Variants in PTPRQ observed in about 807,000 individuals in gnomAD.
The protein encoded by PTPRQ is phosphatidylinositol phosphatase PTPRQ.
A neutral mutation model predicts 246.0 loss-of-function variants in PTPRQ; 199 were observed. The ratio of observed to expected loss-of-function variants is 0.81; its 90% CI spans 0.72 to 0.91. PTPRQ has a LOEUF of 0.91. Ranked by LOEUF, PTPRQ falls within the 40% of genes least tolerant of loss-of-function variation. The probability of loss-of-function intolerance (pLI) is 0.00; values close to 1 mark genes in which losing one functional copy is unlikely to be tolerated. For synonymous variants in PTPRQ, 869 were observed against 853.2 expected (o/e 1.02, Z -0.32); for missense variants, 2,624 against 2,528.4 (o/e 1.04, Z -0.81).
intron 25 of PTPRQ, among the ~76,000 whole-genome samples, chr12:80,570,183 A>G (rs1259924506): frequency 6.6e-6 from 1 of 152,170 alleles, no homozygotes; most frequent in Admixed American, 6.5e-5. Context: ...GGTTGAACTA[A>G]TTTACACTCC....
chr12:80,649,536 C>A, intron 36 of PTPRQ, 52 bp from the exon 37 acceptor site: 1 of 1,531,424 alleles, frequency 6.5e-7, no homozygotes, highest in Non-Finnish European at 8.8e-7. Context: ...AATGCTAACG[C>A]GAACAAATAC....
intron 39 of PTPRQ, among the ~76,000 whole-genome samples, chr12:80,660,055 C>A (rs182007357): frequency 1.3e-5 from 2 of 152,066 alleles, no homozygotes; most frequent in Admixed American, 6.6e-5. Context: ...TTTCCCCCTA[C>A]CCCCAAATTT....
intron 17 of PTPRQ, among the ~76,000 whole-genome samples, chr12:80,515,004 G>A (rs1183732952): frequency 6.6e-6 from 1 of 151,190 alleles, no homozygotes; most frequent in Non-Finnish European, 1.5e-5. Flanking sequence ...GATGCTTGCT[G>A]GAAGCTTTAT....
chr12:80,652,641 A>T, intron 37 of PTPRQ, 103 bp from the exon 38 acceptor site: 2 of 1,199,506 alleles, frequency 1.7e-6, no homozygotes, highest in Non-Finnish European at 2.2e-6. Context: ...TTTTTAATTT[A>T]AAAATTAAAA....
chr12:80,504,008 T>C (rs182651710), intron 14 of PTPRQ, among the ~76,000 whole-genome samples: 3 of 151,818 alleles, frequency 2.0e-5, no homozygotes, highest in Admixed American at 1.3e-4. Context: ...CACAATGATA[T>C]GTCTAAATAT....
Position 80,534,948 on chromosome 12 carries a change from A to G in PTPRQ, c.2896A>G (p.Ile966Val). ...YYANLSSSSIILFWTPPSKPN... is the reference protein window; with the variant it reads ...YYANLSSSSIVLFWTPPSKPN... ...TGCAAACCTCAGTTCTTCATCAATA[A>G]TTCTTTTCTGGACACCTCCTTCAAA... Residue 966 changes from isoleucine to valine, a missense_variant, in exon 19 of 45, where the codon ATT becomes GTT. Transcript: ENST00000644991. 6.5e-7 allele frequency: 1 copy of G among 1,550,356 alleles called. No homozygotes were observed. Among genetic ancestry groups the G allele is most frequent in the Non-Finnish European group, 8.7e-7 (1 of 1,146,374 alleles).
intron 17 of PTPRQ, among the ~76,000 whole-genome samples, chr12:80,532,902 T>C (rs548971474): frequency 3.3e-5 from 5 of 152,302 alleles, no homozygotes; most frequent in African/African-American, 9.6e-5. Flanking sequence ...AGTAAAACCA[T>C]GACTGAAATG....
intron 21 of PTPRQ, 24 bp from the exon 22 acceptor site, chr12:80,542,065 T>C: frequency 6.5e-7 from 1 of 1,527,218 alleles, no homozygotes; most frequent in South Asian, 1.3e-5. Context: ...TTGTTTCATT[T>C]AATATTCTCT....
intron 7 of PTPRQ, among the ~76,000 whole-genome samples, chr12:80,470,158 A>G (rs1285590930): frequency 6.6e-6 from 1 of 152,234 alleles, no homozygotes; most frequent in Non-Finnish European, 1.5e-5. Context: ...ATGATATAAG[A>G]AAAACGAGAA....
rs766816650 is a variant in PTPRQ, at chr12:80,588,264, G to A, written c.4421G>A (p.Cys1474Tyr). Residue 1474 changes from cysteine (C) to tyrosine (Y), a missense_variant, in exon 26 of 45, where the codon TGC becomes TAC. Transcript: ENST00000644991. ...ACCACTCAACTTCGTGCTCAAAAAT[G>A]CAAAGAATGGGAATCCGAAGAATGT... is the stretch of plus-strand genomic sequence containing the variant. ...KITTQLRAQK[C>Y]KEWESEECVE... 2 of 1,551,500 alleles carry A rather than the reference G, an allele frequency of 1.3e-6. No individual in the cohort carries two copies. Among genetic ancestry groups the A allele is most frequent in the South Asian group, 1.2e-5 (1 of 84,054 alleles).
At chr12:80,618,468 T>G (rs557987274) in intron 30 of PTPRQ, among the ~76,000 whole-genome samples, 1 of 151,432 alleles carries the variant, frequency 6.6e-6, no homozygotes, top group African/African-American at 2.4e-5. Context: ...GATATTTGTA[T>G]GCATTGATGA....
chr12:80,511,652 G>T (rs1895131697), intron 17 of PTPRQ, among the ~76,000 whole-genome samples: 1 of 152,112 alleles, frequency 6.6e-6, no homozygotes, highest in African/African-American at 2.4e-5. Context: ...GTGTCATTGA[G>T]CTGTGATCCA....
chr12:80,661,053 C>T (rs1194952882), intron 39 of PTPRQ, among the ~76,000 whole-genome samples: 2 of 151,682 alleles, frequency 1.3e-5, no homozygotes, highest in African/African-American at 2.4e-5. Flanking sequence ...ACTATCAATC[C>T]TTCAATATGA....
rs568622778 is a variant in PTPRQ at position 80,639,054 on chromosome 12, C to T, written c.5915+3981C>T. On this transcript the variant is annotated intron_variant, in intron 35 of 44. Transcript: ENST00000644991. ...CTGAAGTTAGAAAGGTTTCTTAGAGCTCTTATTGGCAAGATCAGCAGACAC... is the reference window on the plus strand; with the variant it reads ...CTGAAGTTAGAAAGGTTTCTTAGAGTTCTTATTGGCAAGATCAGCAGACAC... Among the ~76,000 whole-genome samples, 3 of 152,244 alleles carry T rather than the reference C, an allele frequency of 2.0e-5. No homozygotes were observed. The East Asian group carries it at 5.8e-4, about 29-fold the overall frequency.
intron 25 of PTPRQ, among the ~76,000 whole-genome samples, chr12:80,581,011 CA>C (rs1187905057): frequency 6.6e-6 from 1 of 152,148 alleles, no homozygotes; most frequent in Admixed American, 6.5e-5. Flanking sequence ...TACTGTGTAG[CA>C]AAATTTGCTA....
At chr12:80,637,678 T>C (rs953936482) in intron 35 of PTPRQ, among the ~76,000 whole-genome samples, 1 of 152,218 alleles carries the variant, frequency 6.6e-6, no homozygotes, top group African/African-American at 2.4e-5. Flanking sequence ...ATTTATGCAA[T>C]ATTTTTATGT....
chr12:80,668,900 A>C (rs962856635), intron 39 of PTPRQ, 107 bp from the exon 40 acceptor site: 1 of 1,344,482 alleles, frequency 7.4e-7, no homozygotes, highest in Non-Finnish European at 9.6e-7. Flanking sequence ...GGTATTCTAA[A>C]ATATTAGGTA....
In PTPRQ at chr12:80,606,336, G is replaced by T. The variant is rs117096736; in HGVS notation, c.4731+1156G>T. On this transcript the variant is annotated intron_variant, in intron 27 of 44. Transcript: ENST00000644991. ...CACTATGGAATGTGCAAAGTAAGAT[G>T]ACAACCTAAGGACAGCACCCTGGGG... Among the ~76,000 whole-genome samples the T allele has an allele frequency of 7.4e-3, 1,123 of 151,076 alleles. 13 individuals are homozygous for T. The highest frequency in any genetic ancestry group is 0.031 in the Middle Eastern group (9 of 294).
intron 17 of PTPRQ, among the ~76,000 whole-genome samples, chr12:80,513,952 G>A (rs1295817917): frequency 6.6e-6 from 1 of 152,138 alleles, no homozygotes; most frequent in Non-Finnish European, 1.5e-5. Flanking sequence ...TGGATGATCT[G>A]CTAGAGGAGC....
Sources: allele counts gnomAD v4.1 joint callset (sites outside exome capture counted in the v4.1 genomes callset), GRCh38; gene constraint gnomAD v4.1.1; transcripts MANE v1.5; gene names NCBI Gene and HGNC (gene_info 2026-07-23, HGNC 2026-07-21).